PNPLA1: variants seen among roughly 807,000 people sequenced by gnomAD.
The protein encoded by PNPLA1 is omega-hydroxyceramide transacylase.
A neutral mutation model predicts 51.7 loss-of-function variants in PNPLA1; 36 were observed. That is an observed-to-expected ratio of 0.70 (90% confidence interval 0.53 to 0.92). The LOEUF (loss-of-function observed/expected upper bound fraction) is 0.92, where lower values mean the gene tolerates loss of function less well. Among genes scored for constraint, PNPLA1 ranks in the 40% least tolerant of loss-of-function variants. The pLI is 0.00. For missense variants in PNPLA1, 658 were observed against 682.5 expected, an observed-to-expected ratio of 0.96 and a Z score of 0.40; for synonymous variants, 293 against 280.1, an observed-to-expected ratio of 1.05 and a Z score of -0.46.
upstream of PNPLA1, among the ~76,000 whole-genome samples, chr6:36,268,628 C>T (rs1769819535): frequency 6.6e-6 from 1 of 152,216 alleles, no homozygotes; most frequent in Non-Finnish European, 1.5e-5. Context: ...CACTGCTCAG[C>T]CCCGCCTCCT....
intron 8 of PNPLA1, among the ~76,000 whole-genome samples, chr6:36,310,630 G>A (rs1561876187): frequency 6.6e-6 from 1 of 152,224 alleles, no homozygotes; most frequent in Non-Finnish European, 1.5e-5. Context: ...GAGAGGTTAA[G>A]TAACATGCCC....
chr6:36,306,859 C>CT lies in PNPLA1; in HGVS notation c.1469+489dup, dbSNP rs556332579. ...AGACTGTAGACTGTCCCCAGAAAAT[C>CT]TTTTTTATTATGCACATCAAGTGTC... On this transcript the variant is annotated intron_variant, in intron 7 of 8. Transcript: ENST00000636260. Among the ~76,000 whole-genome samples, 1,405 of 152,272 alleles carry CT rather than the reference C, an allele frequency of 9.2e-3. 10 individuals carry two copies. Among genetic ancestry groups the CT allele is most frequent in the Non-Finnish European group, 0.014 (927 of 68,026 alleles).
At chr6:36,285,913 A>C (rs1055200940) in intron 1 of PNPLA1, among the ~76,000 whole-genome samples, 1 of 152,122 alleles carries the variant, frequency 6.6e-6, no homozygotes, top group Admixed American at 6.5e-5. Flanking sequence ...CACTACTCTG[A>C]AACTGGGGTG....
At chr6:36,258,312 C>T (rs932152369) in intron 1 of PNPLA1, among the ~76,000 whole-genome samples, 1 of 152,196 alleles carries the variant, frequency 6.6e-6, no homozygotes. Context: ...AGAGCTCTGT[C>T]CTCTGGTTTT....
chr6:36,264,840 G>A lies in PNPLA1; in HGVS notation c.-81+21579G>A, dbSNP rs191427558. Among the ~76,000 whole-genome samples the A allele has an allele frequency of 2.4e-3, 362 of 152,278 alleles. 3 individuals carry two copies. Among genetic ancestry groups the A allele is most frequent in the African/African-American group, 8.4e-3 (347 of 41,550 alleles). The stretch of plus-strand genomic sequence containing the variant: ...GTCCTACAAAATAACAACAGCTCAG[G>A]AAGCCAGCAAGCTTCTCAACTGTGC... On this transcript the variant is annotated intron_variant, in intron 1 of 7. Coordinates refer to the PNPLA1 transcript ENST00000312917.
At position 36,270,620 on chromosome 6, in the gene PNPLA1, C is replaced by A. The variant is rs898145251; in HGVS notation, c.161C>A (p.Ala54Glu). Residue 54 changes from alanine (A) to glutamate (E), a missense_variant, in exon 1 of 9, where the codon GCA (alanine) becomes GAA (glutamate). Transcript: ENST00000636260. The stretch of plus-strand genomic sequence containing the variant: ...GCCCACCGCTTTGCGGGGACATCGG[C>A]AGGTGCTGTGATCGCCGCCCTGGCC... Reference protein sequence around the residue: ...ETAHRFAGTSAGAVIAALAIC... With the variant: ...ETAHRFAGTSEGAVIAALAIC... The A allele has an allele frequency of 1.1e-5, 17 of 1,551,394 alleles. No individual in the cohort carries two copies. In the African/African-American group the frequency reaches 2.3e-4, roughly 21 times the overall value.
intron 1 of PNPLA1, among the ~76,000 whole-genome samples, chr6:36,246,484 G>C (rs901461127): frequency 6.6e-6 from 1 of 152,172 alleles, no homozygotes; most frequent in Non-Finnish European, 1.5e-5. Context: ...TTACAGGTGT[G>C]AGCCATGGTG....
At chr6:36,255,405 C>T (rs1264089894) in intron 1 of PNPLA1, among the ~76,000 whole-genome samples, 4 of 151,964 alleles carry the variant, frequency 2.6e-5, no homozygotes, top group African/African-American at 7.2e-5. Flanking sequence ...CTTGGGAGGC[C>T]GAGGCAGGAG....
rs1770301828 is a variant in PNPLA1, at chr6:36,282,044, G to GAAA, written c.206-9276_206-9275insAAA. Reference sequence around the variant, plus strand: ...GTGAAAGAGAGAAAGAAAGAAAGAAGGAAAGAAAGAAAGAAAGAAAGAAAG... The same window carrying GAAA: ...GTGAAAGAGAGAAAGAAAGAAAGAAGAAAGAAAGAAAGAAAGAAAGAAAGAAAG... On this transcript the variant is annotated intron_variant, in intron 1 of 8. Transcript: ENST00000636260. 2.9e-4 allele frequency among the ~76,000 whole-genome samples: 10 copies of GAAA among 34,562 alleles called. 1 individual carries two copies. The highest frequency in any genetic ancestry group is 1.6e-3 in the African/African-American group (10 of 6,132). The allele number at this position is 34,562 out of a possible 152,430, so 22.7% of individuals were successfully genotyped here.
chr6:36,297,192 A>G (rs761122536), intron 5 of PNPLA1, among the ~76,000 whole-genome samples: 5 of 151,938 alleles, frequency 3.3e-5, no homozygotes, highest in Non-Finnish European at 5.9e-5. Flanking sequence ...AACAGATACA[A>G]CTCCTAAAGG....
chr6:36,291,463 A>G lies in PNPLA1; in HGVS notation c.349A>G (p.Thr117Ala). The G allele has an allele frequency of 6.2e-7, 1 of 1,613,976 alleles. No homozygotes were observed. Among genetic ancestry groups the G allele is most frequent in the Non-Finnish European group, 8.5e-7 (1 of 1,180,002 alleles). ...GCCCGAGGACTCCTACAAGGTCACC[A>G]CGGGGAAGCTCCATGTGAGCCTCAC... ...VLPEDSYKVT[T>A]GKLHVSLTRL... Residue 117 changes from threonine to alanine, a missense_variant, in exon 2 of 9, where the codon ACG becomes GCG. Coordinates refer to ENST00000636260, the MANE Select transcript of PNPLA1 (RefSeq NM_001374623.1).
chr6:36,282,084 A>AAG (rs1770310717), intron 1 of PNPLA1, among the ~76,000 whole-genome samples: 2 of 120,166 alleles, frequency 1.7e-5, no homozygotes, highest in East Asian at 4.7e-4. Flanking sequence ...AAAGAAAGAA[A>AAG]GAAAGAAGGA....
At chr6:36,286,810 C>G (rs1490731857) in intron 1 of PNPLA1, among the ~76,000 whole-genome samples, 1 of 151,980 alleles carries the variant, frequency 6.6e-6, no homozygotes, top group African/African-American at 2.4e-5. Flanking sequence ...TCCTGAGTAG[C>G]TGGGACTACA....
chr6:36,295,360 A>G lies in PNPLA1; in HGVS notation c.715-4A>G, dbSNP rs1400982733. On this transcript the variant is annotated splice_region_variant and splice_polypyrimidine_tract_variant and intron_variant, in intron 4 of 8. Transcript: ENST00000636260. ...GGTAATTCTCCTGGTGCCTCCGCCC[A>G]CAGATCCTGCACGATTACTACTACC... 6.2e-7 allele frequency: 1 copy of G among 1,614,160 alleles called. No individual in the cohort carries two copies. The highest frequency in any genetic ancestry group is 2.2e-5 in the East Asian group (1 of 44,890).
intron 1 of PNPLA1, among the ~76,000 whole-genome samples, chr6:36,274,602 T>C (rs943483784): frequency 2.6e-5 from 4 of 152,304 alleles, no homozygotes; most frequent in Middle Eastern, 3.4e-3. Flanking sequence ...TTCTAGGGTA[T>C]TTGTGTCATT....
chr6:36,250,906 G>C (rs1042366482), intron 1 of PNPLA1, among the ~76,000 whole-genome samples: 1 of 152,202 alleles, frequency 6.6e-6, no homozygotes, highest in Non-Finnish European at 1.5e-5. Context: ...GTTTCACCAT[G>C]TTGGCCAGGA....
At position 36,293,083 on chromosome 6, in the gene PNPLA1, T is replaced by C. The variant is rs1274841163; in HGVS notation, c.461T>C (p.Val154Ala). 1 of 1,614,060 alleles carries C rather than the reference T, an allele frequency of 6.2e-7. No individual in the cohort carries two copies. The highest frequency in any genetic ancestry group is 1.7e-5 in the Admixed American group (1 of 60,014). Residue 154 changes from valine (V) to alanine (A), a missense_variant, in exon 3 of 9, where the codon GTC becomes GCC. Coordinates refer to ENST00000636260, the MANE Select transcript of PNPLA1 (RefSeq NM_001374623.1). ...CAGGCCCTATACTGCAGCTGCTTCG[T>C]CCCGGTGTACTGTGGCCTCATCCCC... is the stretch of plus-strand genomic sequence containing the variant. ...LIEALYCSCF[V>A]PVYCGLIPPT...
At chr6:36,286,782 G>A (rs890915314) in intron 1 of PNPLA1, among the ~76,000 whole-genome samples, 1 of 151,914 alleles carries the variant, frequency 6.6e-6, no homozygotes, top group Non-Finnish European at 1.5e-5. Flanking sequence ...GGACTCAAGT[G>A]ATCCTCCCAC....
intron 1 of PNPLA1, among the ~76,000 whole-genome samples, chr6:36,283,503 A>G (rs1770384112): frequency 6.6e-6 from 1 of 152,178 alleles, no homozygotes; most frequent in Non-Finnish European, 1.5e-5. Context: ...CCACGTAAGG[A>G]AGAATCTCCT....
Sources: allele counts gnomAD v4.1 joint callset (sites outside exome capture counted in the v4.1 genomes callset), GRCh38; gene constraint gnomAD v4.1.1; transcripts MANE v1.5; gene names NCBI Gene and HGNC (gene_info 2026-07-23, HGNC 2026-07-21).